SLC35F1: variants seen among roughly 807,000 people sequenced by gnomAD.
SLC35F1 encodes the protein solute carrier family 35 member F1.
In SLC35F1, 14 loss-of-function variants were observed where a neutral mutation model predicts 48.7. The observed-to-expected ratio is 0.29, with a 90% CI of 0.19 to 0.45. The LOEUF is 0.45. Ranked by LOEUF, SLC35F1 falls within the 20% of genes least tolerant of loss-of-function variation. SLC35F1 has a pLI of 1.00. For synonymous variants in SLC35F1, 190 were observed against 202.2 expected, an observed-to-expected ratio of 0.94 and a Z score of 0.51; for missense variants, 404 against 500.0, an observed-to-expected ratio of 0.81 and a Z score of 1.83.
chr6:118,037,173 T>C (rs890911626), intron 1 of SLC35F1, among the ~76,000 whole-genome samples: 5 of 152,222 alleles, frequency 3.3e-5, no homozygotes, highest in African/African-American at 1.2e-4. Flanking sequence ...TCCATTTTAT[T>C]TCAACATCTC....
chr6:118,117,428 A>G (rs1309947539), intron 1 of SLC35F1, among the ~76,000 whole-genome samples: 2 of 152,202 alleles, frequency 1.3e-5, no homozygotes, highest in Non-Finnish European at 2.9e-5. Context: ...TTCTGAAAAC[A>G]TAAATAGAAG....
chr6:117,924,466 A>ATATATACATATGTATATACG (rs71012376), intron 1 of SLC35F1, among the ~76,000 whole-genome samples: 1,346 of 18,068 alleles, frequency 0.074, 184 homozygotes, highest in African/African-American at 0.19. Flanking sequence ...ATGTGTGTAC[A>ATATATACATATGTATATACG]TATATACATA....
intron 1 of SLC35F1, among the ~76,000 whole-genome samples, chr6:118,126,112 A>G (rs933047411): frequency 1.3e-4 from 20 of 152,156 alleles, no homozygotes; most frequent in African/African-American, 4.8e-4. Context: ...TAAGCCTTCA[A>G]AGATGACAGC....
At chr6:118,011,862 A>C (rs903419632) in intron 1 of SLC35F1, among the ~76,000 whole-genome samples, 3 of 152,190 alleles carry the variant, frequency 2.0e-5, no homozygotes, top group African/African-American at 2.4e-5. Context: ...TGAAAAGCCT[A>C]ATATTGAGAC....
intron 6 of SLC35F1, among the ~76,000 whole-genome samples, chr6:118,283,914 G>A (rs1252930902): frequency 6.6e-6 from 1 of 152,154 alleles, no homozygotes; most frequent in Non-Finnish European, 1.5e-5. Context: ...TCTACACGTA[G>A]GACTTTTACC....
intron 1 of SLC35F1, among the ~76,000 whole-genome samples, chr6:118,005,207 C>T (rs9372491): frequency 0.99 from 151,330 of 152,200 alleles, 75,237 homozygotes; most frequent in Middle Eastern, 1. Flanking sequence ...GGTCCCTATG[C>T]GTGTGTGCCT....
At chr6:118,269,727 GT>G (rs1775826848) in intron 4 of SLC35F1, among the ~76,000 whole-genome samples, 1 of 152,008 alleles carries the variant, frequency 6.6e-6, no homozygotes, top group African/African-American at 2.4e-5. Context: ...CAGAACATAA[GT>G]CAGGCATCCA....
chr6:118,011,616 C>T (rs545295948), intron 1 of SLC35F1, among the ~76,000 whole-genome samples: 2 of 152,178 alleles, frequency 1.3e-5, no homozygotes, highest in African/African-American at 2.4e-5. Context: ...GTGCAGTTCA[C>T]AATAGGGTTG....
chr6:118,312,567 T>G (rs191797417), intron 7 of SLC35F1, among the ~76,000 whole-genome samples: 2 of 152,286 alleles, frequency 1.3e-5, no homozygotes, highest in Admixed American at 1.3e-4. Flanking sequence ...ATGGTTTCAA[T>G]GTGAAAAATA....
At chr6:118,140,323 T>C (rs1004312475) in intron 1 of SLC35F1, among the ~76,000 whole-genome samples, 12 of 152,308 alleles carry the variant, frequency 7.9e-5, no homozygotes, top group African/African-American at 2.9e-4. Context: ...ATAACAGTGG[T>C]CCCATAAGAT....
chr6:118,107,726 C>A (rs6569000), intron 1 of SLC35F1, among the ~76,000 whole-genome samples: 10,533 of 152,200 alleles, frequency 0.069, 1,009 homozygotes, highest in African/African-American at 0.21. Flanking sequence ...ATATGGGCAA[C>A]GGGTATGTGT....
chr6:118,278,273 G>A (rs1225073335), intron 6 of SLC35F1, among the ~76,000 whole-genome samples: 7 of 152,190 alleles, frequency 4.6e-5, no homozygotes, highest in Non-Finnish European at 1.0e-4. Context: ...CGTGGCTTAT[G>A]GAATTGCATG....
intron 2 of SLC35F1, among the ~76,000 whole-genome samples, chr6:118,204,122 A>T (rs1461499427): frequency 6.6e-6 from 1 of 151,714 alleles, no homozygotes. Context: ...GACCCAAGAC[A>T]TAAGGGAGAG....
chr6:118,083,140 C>T (rs2114325011), intron 1 of SLC35F1, among the ~76,000 whole-genome samples: 1 of 152,296 alleles, frequency 6.6e-6, no homozygotes, highest in East Asian at 1.9e-4. Context: ...ACACTAGGCA[C>T]TTCTGGATCA....
chr6:117,939,588 C>T (rs1441111008), intron 1 of SLC35F1, among the ~76,000 whole-genome samples: 1 of 152,104 alleles, frequency 6.6e-6, no homozygotes, highest in East Asian at 1.9e-4. Flanking sequence ...AGTTGGAATC[C>T]AAGTAATACT....
chr6:118,241,663 C>A (rs1230759923), intron 3 of SLC35F1, among the ~76,000 whole-genome samples: 1 of 151,890 alleles, frequency 6.6e-6, no homozygotes, highest in Non-Finnish European at 1.5e-5. Context: ...ACCACCACTA[C>A]AATCGGGTAC....
chr6:118,167,501 TACTGTA>T (rs1486798083), intron 2 of SLC35F1, among the ~76,000 whole-genome samples: 1 of 152,176 alleles, frequency 6.6e-6, no homozygotes, highest in Non-Finnish European at 1.5e-5. Context: ...CTGTACCAAA[TACTGTA>T]GACAATTGTA....
At chr6:117,934,407 C>T in intron 1 of SLC35F1, among the ~76,000 whole-genome samples, 1 of 152,070 alleles carries the variant, frequency 6.6e-6, no homozygotes, top group Non-Finnish European at 1.5e-5. Flanking sequence ...TGGGGAGATA[C>T]ATTATGATAA....
chr6:118,057,331 C>T (rs1772476479), intron 1 of SLC35F1, among the ~76,000 whole-genome samples: 1 of 152,108 alleles, frequency 6.6e-6, no homozygotes, highest in Admixed American at 6.5e-5. Flanking sequence ...GCAAGGGATC[C>T]TACTTGGGCA....
Sources: allele counts gnomAD v4.1 joint callset (sites outside exome capture counted in the v4.1 genomes callset), GRCh38; gene constraint gnomAD v4.1.1; transcripts MANE v1.5; gene names NCBI Gene and HGNC (gene_info 2026-07-23, HGNC 2026-07-21).